Variants in UBE2R2 observed in about 807,000 individuals in gnomAD.
UBE2R2 encodes ubiquitin-conjugating enzyme E2 R2.
A neutral mutation model predicts 27.8 loss-of-function variants in UBE2R2; 1 was observed. That is an observed-to-expected ratio of 0.04 (90% CI 0.01 to 0.17). UBE2R2 has a LOEUF of 0.17. UBE2R2 is among the 10% of genes least tolerant of loss of function. The pLI, the probability that UBE2R2 is intolerant of heterozygous loss-of-function variation, is 1.00. For missense variants in UBE2R2, 100 were observed against 291.0 expected (o/e 0.34, Z 4.78); for synonymous variants, 106 against 113.3 (o/e 0.94, Z 0.41).
chr9:33,843,130 C>T (rs1369824084), intron 1 of UBE2R2, among the ~76,000 whole-genome samples: 1 of 148,158 alleles, frequency 6.7e-6, no homozygotes, highest in East Asian at 2.0e-4. Flanking sequence ...TCACTGCAAC[C>T]TCCACCTCCT....
chr9:33,858,365 G>A (rs1925235), intron 1 of UBE2R2, among the ~76,000 whole-genome samples: 9,216 of 152,172 alleles, frequency 0.061, 635 homozygotes, highest in African/African-American at 0.17. Flanking sequence ...AGTGTATTTT[G>A]TTAAGCACTT....
intron 1 of UBE2R2, among the ~76,000 whole-genome samples, chr9:33,840,277 A>G (rs532977668): frequency 6.6e-6 from 1 of 152,234 alleles, no homozygotes; most frequent in Admixed American, 6.6e-5. Flanking sequence ...TCACCTCCCA[A>G]AAAAGAAAAA....
At chr9:33,863,250 G>A (rs190190411) in intron 1 of UBE2R2, among the ~76,000 whole-genome samples, 233 of 151,646 alleles carry the variant, frequency 1.5e-3, no homozygotes, top group Non-Finnish European at 2.6e-3. Context: ...TAAGCCGGGC[G>A]TGGTGGCTCA....
intron 3 of UBE2R2, among the ~76,000 whole-genome samples, chr9:33,908,324 T>G (rs747996574): frequency 1.1e-4 from 17 of 152,294 alleles, no homozygotes; most frequent in Non-Finnish European, 2.1e-4. Context: ...CACATGCATA[T>G]CCTCAAATGC....
intron 1 of UBE2R2, among the ~76,000 whole-genome samples, chr9:33,831,350 T>C (rs966207265): frequency 1.3e-5 from 2 of 152,304 alleles, no homozygotes; most frequent in South Asian, 4.1e-4. Context: ...ATACCTGATA[T>C]ATGCAATAAG....
intron 1 of UBE2R2, among the ~76,000 whole-genome samples, chr9:33,871,934 C>T (rs1032053737): frequency 7.2e-5 from 11 of 151,990 alleles, no homozygotes; most frequent in African/African-American, 2.2e-4. Flanking sequence ...GGATGGTCTC[C>T]ATTTCCTGAC....
At chr9:33,914,949 C>G (rs1259947145) in intron 4 of UBE2R2, among the ~76,000 whole-genome samples, 1 of 151,782 alleles carries the variant, frequency 6.6e-6, no homozygotes, top group Non-Finnish European at 1.5e-5. Flanking sequence ...CAAGCCTGGG[C>G]AACATGGCAA....
intron 2 of UBE2R2, among the ~76,000 whole-genome samples, chr9:33,888,313 A>G (rs1821907640): frequency 6.6e-6 from 1 of 151,962 alleles, no homozygotes; most frequent in South Asian, 2.1e-4. Context: ...AAACAAAAAA[A>G]CAAACAAAAA....
At chr9:33,868,833 A>G (rs550470730) in intron 1 of UBE2R2, among the ~76,000 whole-genome samples, 2 of 152,312 alleles carry the variant, frequency 1.3e-5, no homozygotes, top group South Asian at 4.1e-4. Context: ...TCCAAATACA[A>G]CAGTAACCAC....
At chr9:33,830,320 G>C (rs966457984) in intron 1 of UBE2R2, among the ~76,000 whole-genome samples, 2 of 150,710 alleles carry the variant, frequency 1.3e-5, no homozygotes, top group Non-Finnish European at 3.0e-5. Flanking sequence ...ACCATGCCCA[G>C]CTAATTTTTG....
intron 1 of UBE2R2, among the ~76,000 whole-genome samples, chr9:33,829,612 A>G (rs1429510077): frequency 6.6e-6 from 1 of 152,118 alleles, no homozygotes; most frequent in Non-Finnish European, 1.5e-5. Flanking sequence ...AGAAAGTTAA[A>G]TTTCTCAATA....
At chr9:33,869,621 G>A (rs934098052) in intron 1 of UBE2R2, among the ~76,000 whole-genome samples, 5 of 151,506 alleles carry the variant, frequency 3.3e-5, no homozygotes, top group African/African-American at 1.2e-4. Context: ...GGCTAATTTT[G>A]TATATTTAGT....
chr9:33,829,067 C>T (rs1820382730), intron 1 of UBE2R2, among the ~76,000 whole-genome samples: 1 of 152,018 alleles, frequency 6.6e-6, no homozygotes, highest in Non-Finnish European at 1.5e-5. Context: ...GACAGGGTTT[C>T]ACTGTGTTGG....
chr9:33,880,178 A>T (rs752111458), intron 1 of UBE2R2, among the ~76,000 whole-genome samples: 7 of 152,198 alleles, frequency 4.6e-5, no homozygotes, highest in Non-Finnish European at 8.8e-5. Context: ...GAGCCACTGC[A>T]CTTGGCCTAA....
At chr9:33,840,776 C>A (rs1448748735) in intron 1 of UBE2R2, among the ~76,000 whole-genome samples, 1 of 152,064 alleles carries the variant, frequency 6.6e-6, no homozygotes, top group Non-Finnish European at 1.5e-5. Context: ...AGAGATGCTT[C>A]TGCTTACCTG....
At chr9:33,866,657 AAAG>A (rs146860243) in intron 1 of UBE2R2, among the ~76,000 whole-genome samples, 10,317 of 152,242 alleles carry the variant, frequency 0.068, 489 homozygotes, top group Non-Finnish European at 0.099. Flanking sequence ...GATCATGAAA[AAAG>A]AAAATTGCCA....
chr9:33,859,042 T>C (rs2130764130), intron 1 of UBE2R2, among the ~76,000 whole-genome samples: 1 of 152,214 alleles, frequency 6.6e-6, no homozygotes, highest in South Asian at 2.1e-4. Context: ...GCCAGGCTGG[T>C]CTTGAACTCC....
rs756756702 is a variant in UBE2R2, at chr9:33,911,956, G to A, written c.363-8G>A. The A allele has an allele frequency of 1.2e-6, 2 of 1,601,148 alleles. No individual in the cohort carries two copies. Among genetic ancestry groups the A allele is most frequent in the Admixed American group, 3.5e-5 (2 of 57,330 alleles). ...TATTCATAGCTGATCCTTTTTTCCT[G>A]TTTCTAGGACTATCCTATTAAGTGT... is the stretch of plus-strand genomic sequence containing the variant. On this transcript the variant is annotated splice_region_variant and splice_polypyrimidine_tract_variant and intron_variant, in intron 3 of 4. Transcript: ENST00000263228.
chr9:33,883,810 C>T (rs1821787996), intron 1 of UBE2R2, among the ~76,000 whole-genome samples: 4 of 150,994 alleles, frequency 2.6e-5, no homozygotes, highest in African/African-American at 9.7e-5. Context: ...ATCTGTTGCT[C>T]AGCACTTAAT....
Sources: gnomAD v4.1 joint callset for allele counts (sites outside exome capture counted in the v4.1 genomes callset) on GRCh38, gnomAD v4.1.1 for gene constraint, MANE v1.5 for transcripts, NCBI Gene and HGNC (gene_info 2026-07-23, HGNC 2026-07-21) for gene names.